The following MLIP variants were observed in gnomAD, a reference collection of about 807,000 sequenced individuals.
MLIP encodes muscular LMNA interacting protein.
MLIP carries 79 observed loss-of-function variants against 84.8 expected under a neutral mutation model. The ratio of observed to expected loss-of-function variants is 0.93; its 90% confidence interval spans 0.78 to 1.12. The LOEUF is 1.12. MLIP is among the 50% of genes most tolerant of loss of function. The pLI, the probability that MLIP is intolerant of heterozygous loss-of-function variation, is 0.00. For missense variants in MLIP, 1,257 were observed against 1,160.6 expected (o/e 1.08, Z -1.21); for synonymous variants, 504 against 463.0 (o/e 1.09, Z -1.14).
At chr6:54,030,153 C>T (rs1345970132) in intron 1 of MLIP, among the ~76,000 whole-genome samples, 2 of 152,180 alleles carry the variant, frequency 1.3e-5, no homozygotes, top group African/African-American at 4.8e-5. Flanking sequence ...AGGAAGTGTG[C>T]CTTGAAAATT....
chr6:54,179,227 T>G (rs1776604724), intron 9 of MLIP, among the ~76,000 whole-genome samples: 1 of 152,188 alleles, frequency 6.6e-6, no homozygotes, highest in African/African-American at 2.4e-5. Context: ...TGTGCTCTAT[T>G]TTGGTTTTCA....
intron 8 of MLIP, among the ~76,000 whole-genome samples, chr6:54,162,948 C>A (rs1774803460): frequency 6.6e-6 from 1 of 151,784 alleles, no homozygotes; most frequent in Admixed American, 6.6e-5. Flanking sequence ...AAAATCAGAG[C>A]AATGTGATAT....
At chr6:54,252,838 G>T (rs1267103851) in intron 12 of MLIP, among the ~76,000 whole-genome samples, 2 of 151,980 alleles carry the variant, frequency 1.3e-5, no homozygotes, top group African/African-American at 4.8e-5. Context: ...TAAAGCAAAA[G>T]AAATATGAGG....
chr6:54,108,875 A>C (rs1436008608), upstream of MLIP, among the ~76,000 whole-genome samples: 23 of 152,172 alleles, frequency 1.5e-4, no homozygotes, highest in East Asian at 4.4e-3. Flanking sequence ...ATAGAAGAAG[A>C]GTTTCATAGC....
rs975177771 is a variant in MLIP at position 54,027,594 on chromosome 6, G to A, written c.63+8503G>A. ...ACTGGTGGTTGAGGAAAAAGTGGAC[G>A]CACAAGTATTGCCAAACTCTAGCCA... On this transcript the variant is annotated intron_variant, in intron 1 of 12. Coordinates refer to the MLIP transcript ENST00000274897. Among the ~76,000 whole-genome samples, 6 of 152,102 alleles carry A rather than the reference G, an allele frequency of 3.9e-5. 1 individual carries two copies. The highest frequency in any genetic ancestry group is 3.3e-4 in the Admixed American group (5 of 15,256).
At chr6:54,113,786 A>C (rs1006046878) in intron 1 of MLIP, among the ~76,000 whole-genome samples, 3 of 152,168 alleles carry the variant, frequency 2.0e-5, no homozygotes, top group African/African-American at 7.2e-5. Flanking sequence ...CAGTCATCAT[A>C]GTATCAACTC....
chr6:54,218,645 G>A (rs748801097), intron 11 of MLIP, among the ~76,000 whole-genome samples: 10 of 151,826 alleles, frequency 6.6e-5, no homozygotes, highest in East Asian at 3.9e-4. Context: ...TCAGCCTCCC[G>A]GTAGCTGGGA....
intron 5 of MLIP, among the ~76,000 whole-genome samples, chr6:54,153,433 C>T (rs992359382): frequency 3.9e-5 from 6 of 152,128 alleles, no homozygotes; most frequent in Non-Finnish European, 8.8e-5. Context: ...TCTTGAGTAG[C>T]TGGGACTACA....
intron 4 of MLIP, among the ~76,000 whole-genome samples, chr6:54,142,171 A>T (rs1178980409): frequency 6.6e-6 from 1 of 152,236 alleles, no homozygotes; most frequent in Non-Finnish European, 1.5e-5. Flanking sequence ...TTCAATAAAT[A>T]TGTATTGATT....
rs375149141 is a variant in MLIP, at chr6:54,136,428, T to C, written c.646-287T>C. 5.9e-5 allele frequency among the ~76,000 whole-genome samples: 9 copies of C among 152,352 alleles called. No individual in the cohort carries two copies. The South Asian group carries it at 1.2e-3, about 21-fold the overall frequency. ...CAATTCAAAATTAAGATAACTATTT[T>C]AGATGCTGTCAACGAATTATCTTCC... On this transcript the variant is annotated intron_variant, in intron 3 of 13. Coordinates refer to ENST00000502396, the MANE Select transcript of MLIP (RefSeq NM_001281747.2).
At chr6:54,078,177 G>T (rs1488704004) in intron 1 of MLIP, among the ~76,000 whole-genome samples, 1 of 152,170 alleles carries the variant, frequency 6.6e-6, no homozygotes, top group East Asian at 1.9e-4. Flanking sequence ...AAATGGATTT[G>T]TAATCAGTTT....
At chr6:54,020,712 G>A (rs1763448816) in intron 1 of MLIP, among the ~76,000 whole-genome samples, 1 of 152,174 alleles carries the variant, frequency 6.6e-6, no homozygotes, top group Non-Finnish European at 1.5e-5. Context: ...CTAGAAGTGA[G>A]CAAAAACCTT....
At chr6:54,209,964 A>T in intron 11 of MLIP, among the ~76,000 whole-genome samples, 1 of 148,890 alleles carries the variant, frequency 6.7e-6, no homozygotes. Context: ...CTATACATTC[A>T]TCTGTGTGAA....
At chr6:54,091,306 T>C (rs1767858886) in intron 1 of MLIP, among the ~76,000 whole-genome samples, 1 of 152,160 alleles carries the variant, frequency 6.6e-6, no homozygotes, top group African/African-American at 2.4e-5. Flanking sequence ...TTCATAAAAT[T>C]ACAAAATTGA....
intron 1 of MLIP, among the ~76,000 whole-genome samples, chr6:54,050,296 A>G (rs1765302026): frequency 6.6e-6 from 1 of 152,130 alleles, no homozygotes; most frequent in East Asian, 1.9e-4. Flanking sequence ...CACATATAGT[A>G]TTTTTTACCT....
upstream of MLIP, among the ~76,000 whole-genome samples, chr6:54,108,286 G>A (rs191609070): frequency 4.4e-3 from 671 of 152,278 alleles, 6 homozygotes; most frequent in African/African-American, 0.015. Context: ...ATGCTTAAGG[G>A]TCTTGGGCAG....
chr6:54,096,379 A>C (rs1768214321), intron 1 of MLIP, among the ~76,000 whole-genome samples: 2 of 152,158 alleles, frequency 1.3e-5, no homozygotes, highest in African/African-American at 4.8e-5. Context: ...TAGACACAGA[A>C]ATGTGGTGCC....
chr6:54,261,206 C>G (rs186646872), intron 13 of MLIP, among the ~76,000 whole-genome samples: 1 of 152,130 alleles, frequency 6.6e-6, no homozygotes. Context: ...AGTTCAGCAA[C>G]TCTTCTATCC....
chr6:54,042,312 T>C (rs1469944395), intron 1 of MLIP, among the ~76,000 whole-genome samples: 2 of 152,108 alleles, frequency 1.3e-5, no homozygotes, highest in African/African-American at 4.8e-5. Context: ...AGAAGAGGGA[T>C]GTAGCAGTTC....
Sources: allele counts gnomAD v4.1 joint callset (sites outside exome capture counted in the v4.1 genomes callset), GRCh38; gene constraint gnomAD v4.1.1; transcripts MANE v1.5; gene names NCBI Gene and HGNC (gene_info 2026-07-23, HGNC 2026-07-21).